The following CDC45 variants were observed in gnomAD, a reference collection of about 807,000 sequenced individuals.
CDC45 encodes cell division cycle 45.
A neutral mutation model predicts 77.8 loss-of-function variants in CDC45; 54 were observed. That is an observed-to-expected ratio of 0.69 (90% CI 0.56 to 0.87). The LOEUF (loss-of-function observed/expected upper bound fraction) is 0.87, where lower values mean the gene tolerates loss of function less well. CDC45 is among the 40% of genes least tolerant of loss of function. The probability of loss-of-function intolerance (pLI) is 0.00; values close to 1 mark genes in which losing one functional copy is unlikely to be tolerated. For synonymous variants in CDC45, 260 were observed against 272.1 expected (o/e 0.96, Z 0.44); for missense variants, 649 against 721.6 (o/e 0.90, Z 1.15).
intron 9 of CDC45, among the ~76,000 whole-genome samples, chr22:19,501,791 T>G (rs1932910851): frequency 6.6e-6 from 1 of 152,218 alleles, no homozygotes; most frequent in Non-Finnish European, 1.5e-5. Context: ...CGTAACTCAC[T>G]GCAGCTTTGA....
At chr22:19,514,635 C>G (rs1285687632) in intron 13 of CDC45, 114 bp from the exon 14 acceptor site, 14 of 826,062 alleles carry the variant, frequency 1.7e-5, no homozygotes, top group Non-Finnish European at 2.7e-5. Context: ...AAGATAAATT[C>G]TTACCCCCAA....
intron 6 of CDC45, among the ~76,000 whole-genome samples, chr22:19,494,928 C>T (rs1159184970): frequency 2.0e-5 from 3 of 152,136 alleles, no homozygotes; most frequent in East Asian, 1.9e-4. Context: ...TGTGGTGGCT[C>T]ATGCCTGTAT....
chr22:19,481,029 T>C lies in CDC45; in HGVS notation c.188T>C (p.Leu63Pro). Residue 63 changes from leucine (L) to proline (P), a missense_variant, in exon 3 of 19, where the codon CTT becomes CCT. By Grantham distance (98) the Leu-to-Pro change is moderately conservative. Transcript: ENST00000263201. ...TGGCAAGAACTTGAAACTGCATTTCTTGAGCATAAAGAACAGGTATTGAAG... is the reference window on the plus strand; with the variant it reads ...TGGCAAGAACTTGAAACTGCATTTCCTGAGCATAAAGAACAGGTATTGAAG... ...SGWQELETAFLEHKEQFHYFI... is the reference protein window; with the variant it reads ...SGWQELETAFPEHKEQFHYFI... The C allele has an allele frequency of 6.2e-7, 1 of 1,612,560 alleles. No individual in the cohort carries two copies. Among genetic ancestry groups the C allele is most frequent in the Non-Finnish European group, 8.5e-7 (1 of 1,178,606 alleles).
chr22:19,515,751 G>C (rs1548359), intron 15 of CDC45, among the ~76,000 whole-genome samples: 128,170 of 152,252 alleles, frequency 0.84, 54,357 homozygotes, highest in African/African-American at 0.94. Context: ...GTTCAAAGAT[G>C]AGCCTCCTCA....
chr22:19,512,197 C>G (rs1933554027), intron 13 of CDC45, among the ~76,000 whole-genome samples: 1 of 152,104 alleles, frequency 6.6e-6, no homozygotes, highest in Non-Finnish European at 1.5e-5. Flanking sequence ...TTAACAGGAC[C>G]CCTTGCTCAT....
chr22:19,499,841 G>C (rs1056018245), intron 9 of CDC45, among the ~76,000 whole-genome samples: 4 of 152,188 alleles, frequency 2.6e-5, no homozygotes, highest in Non-Finnish European at 5.9e-5. Context: ...TCCTCTCCTA[G>C]GGGACCCATG....
Position 19,479,976 on chromosome 22 carries a change from T to C in CDC45, c.8T>C (p.Val3Ala). 5 of 1,613,664 alleles carry C rather than the reference T, an allele frequency of 3.1e-6. No individual in the cohort carries two copies. The highest frequency in any genetic ancestry group is 4.2e-6 in the Non-Finnish European group (5 of 1,180,008). ...CGTCCGGCCGCCGTGGCTATGTTCG[T>C]GTCCGATTTCCGCAAAGAGTTCTAC... Reference protein sequence around the residue: MFVSDFRKEFYEV... With the variant: MFASDFRKEFYEV... Residue 3 changes from valine (V) to alanine (A), a missense_variant, in exon 1 of 19, where the codon GTG (valine) becomes GCG (alanine). Coordinates refer to ENST00000263201, the MANE Select transcript of CDC45 (RefSeq NM_003504.5).
At chr22:19,515,506 G>A (rs987655397) in intron 15 of CDC45, among the ~76,000 whole-genome samples, 2 of 152,188 alleles carry the variant, frequency 1.3e-5, no homozygotes, top group Non-Finnish European at 2.9e-5. Context: ...TCACCTAGCC[G>A]ACATGGGGCT....
intron 17 of CDC45, among the ~76,000 whole-genome samples, chr22:19,517,266 C>T (rs550152813): frequency 3.3e-4 from 50 of 152,280 alleles, no homozygotes; most frequent in Middle Eastern, 3.4e-3. Flanking sequence ...CAGCAGGGCC[C>T]GTGATGACCC....
At chr22:19,496,640 C>G (rs1386837312) in intron 7 of CDC45, among the ~76,000 whole-genome samples, 1 of 152,144 alleles carries the variant, frequency 6.6e-6, no homozygotes, top group African/African-American at 2.4e-5. Context: ...ATGGAAAATT[C>G]TAAACAGTTG....
intron 9 of CDC45, among the ~76,000 whole-genome samples, chr22:19,503,948 C>T (rs1171920443): frequency 3.9e-5 from 6 of 152,258 alleles, no homozygotes; most frequent in Non-Finnish European, 8.8e-5. Context: ...CAAAGGTTGA[C>T]ATTGCCCTGT....
At chr22:19,479,711 G>A (rs13447181), upstream of CDC45, 3,690 of 681,236 alleles carry the variant, frequency 5.4e-3, 11 homozygotes, top group Non-Finnish European at 7.8e-3. Context: ...AGAGTTGAAG[G>A]GGGCAACAGT....
At chr22:19,500,899 G>A (rs923408909) in intron 9 of CDC45, among the ~76,000 whole-genome samples, 45 of 152,100 alleles carry the variant, frequency 3.0e-4, no homozygotes, top group African/African-American at 8.7e-4. Context: ...TTTGGAGGCC[G>A]GGCGCGATGG....
intron 13 of CDC45, among the ~76,000 whole-genome samples, chr22:19,510,866 A>G (rs771126237): frequency 5.9e-5 from 9 of 152,116 alleles, no homozygotes; most frequent in Non-Finnish European, 1.3e-4. Context: ...TTGGATGGAT[A>G]TATTCTATTT....
intron 9 of CDC45, 193 bp from the exon 10 acceptor site, chr22:19,505,169 C>A (rs8136840): frequency 3.1e-5 from 19 of 618,598 alleles, no homozygotes; most frequent in Non-Finnish European, 4.0e-5. Flanking sequence ...CACACCCCCC[C>A]GCTCCATCCA....
At chr22:19,483,266 A>G (rs1002599848) in intron 4 of CDC45, among the ~76,000 whole-genome samples, 4 of 152,164 alleles carry the variant, frequency 2.6e-5, no homozygotes, top group Non-Finnish European at 2.9e-5. Context: ...CCCCGTCTCT[A>G]CTAAAAATAC....
intron 5 of CDC45, among the ~76,000 whole-genome samples, chr22:19,485,101 G>A (rs1243557304): frequency 6.6e-6 from 1 of 151,978 alleles, no homozygotes; most frequent in East Asian, 1.9e-4. Flanking sequence ...TGGTTTGTGA[G>A]GGGTCCTTTT....
chr22:19,503,833 A>G (rs960993829), intron 9 of CDC45, among the ~76,000 whole-genome samples: 4 of 152,248 alleles, frequency 2.6e-5, no homozygotes, highest in Non-Finnish European at 4.4e-5. Context: ...ACCTCCAAAG[A>G]GGCCAGCAAA....
rs1933103337 is a variant in CDC45 at position 19,505,319 on chromosome 22, G to A, written c.705-43G>A. The A allele has an allele frequency of 2.5e-6, 4 of 1,613,638 alleles. No individual in the cohort carries two copies. In the East Asian group the frequency reaches 8.9e-5, roughly 36 times the overall value. Reference sequence around the variant, plus strand: ...CCTAGGCTTAGGCTGCCTGGTAAGAGCTGGAGGGAACCAGCCGAGGCTTGT... The same window carrying A: ...CCTAGGCTTAGGCTGCCTGGTAAGAACTGGAGGGAACCAGCCGAGGCTTGT... On this transcript the variant is annotated intron_variant, in intron 9 of 18. Transcript: ENST00000263201.
Sources: gnomAD v4.1 joint callset for allele counts (sites outside exome capture counted in the v4.1 genomes callset) on GRCh38, gnomAD v4.1.1 for gene constraint, MANE v1.5 for transcripts, NCBI Gene and HGNC (gene_info 2026-07-23, HGNC 2026-07-21) for gene names.